Variants in NKX1-2 observed in about 807,000 individuals in gnomAD.
The protein encoded by NKX1-2 is NK1 transcription factor-related protein 2.
NKX1-2 carries 1 observed loss-of-function variant against 4.4 expected under a neutral mutation model. The ratio of observed to expected loss-of-function variants is 0.23; its 90% CI spans 0.08 to 1.08. NKX1-2 has a LOEUF of 1.08. Among genes scored for constraint, NKX1-2 ranks in the 50% least tolerant of loss-of-function variants. NKX1-2 has a pLI of 0.55. For synonymous variants in NKX1-2, 235 were observed against 228.0 expected, an observed-to-expected ratio of 1.03 and a Z score of -0.28; for missense variants, 503 against 464.6, an observed-to-expected ratio of 1.08 and a Z score of -0.76.
rs921909939 is a variant in NKX1-2, at chr10:124,449,292, G to T, written c.214+438C>A. On this transcript the variant is annotated intron_variant, in intron 1 of 1. Coordinates refer to ENST00000451024, the MANE Select transcript of NKX1-2 (RefSeq NM_001146340.3). The surrounding 1 kb of genome is among the most constrained non-coding windows in gnomAD (Gnocchi z 7.5). ...ACGAAGACCCCCGGCGCAAGCCTTAGCGTCAGCTCCCCCATCCATAAAATG... is the reference window on the plus strand; with the variant it reads ...ACGAAGACCCCCGGCGCAAGCCTTATCGTCAGCTCCCCCATCCATAAAATG... 6.6e-6 allele frequency among the ~76,000 whole-genome samples: 1 copy of T among 152,204 alleles called. No individual in the cohort carries two copies. Among genetic ancestry groups the T allele is most frequent in the Non-Finnish European group, 1.5e-5 (1 of 68,048 alleles).
chr10:124,446,422 C>T lies in NKX1-2; in HGVS notation c.*1007G>A, dbSNP rs1952237656. On this transcript the variant is annotated 3_prime_UTR_variant, in exon 2 of 2. Coordinates refer to ENST00000451024, the MANE Select transcript of NKX1-2 (RefSeq NM_001146340.3). ...GAGTTTGTGCTTTTAAAAAACAGTC[C>T]AGTCCAACTGTCCACATGTAGTGTG... The T allele has an allele frequency of 6.6e-6, 1 of 152,200 alleles. No individual in the cohort carries two copies. Among genetic ancestry groups the T allele is most frequent in the Admixed American group, 6.5e-5 (1 of 15,276 alleles). The allele number at this position is 152,200 out of a possible 1,614,324, so 9.4% of individuals were successfully genotyped here.
chr10:124,449,202 A>G lies in NKX1-2; in HGVS notation c.214+528T>C, dbSNP rs532497904. ...TCCCAGTTAACAGTTGAGTCTGGGG[A>G]GCTTGAGCGCCTGGGGCAGCCCAGC... On this transcript the variant is annotated intron_variant, in intron 1 of 1. Transcript: ENST00000451024. The surrounding 1 kb of genome is among the most constrained non-coding windows in gnomAD (Gnocchi z 7.5). 6.6e-6 allele frequency among the ~76,000 whole-genome samples: 1 copy of G among 152,214 alleles called. No homozygotes were observed. Among genetic ancestry groups the G allele is most frequent in the Non-Finnish European group, 1.5e-5 (1 of 68,006 alleles).
chr10:124,447,529 G>T lies in NKX1-2; in HGVS notation c.833C>A (p.Ser278Tyr). 1 of 1,274,538 alleles carries T rather than the reference G, an allele frequency of 7.8e-7. No individual in the cohort carries two copies. Among genetic ancestry groups the T allele is most frequent in the Non-Finnish European group, 9.9e-7 (1 of 1,006,840 alleles). The allele number at this position is 1,274,538 out of a possible 1,614,324, so 79.0% of individuals were successfully genotyped here. ...SYSAANVLFP[S>Y]AASFPLTAAA... ...AGCCGTCAGCGGGAAGGAGGCGGCG[G>T]ACGGGAAGAGGACATTGGCCGCGGA... Residue 278 changes from serine to tyrosine, a missense_variant, in exon 2 of 2, where the codon TCC becomes TAC. Physicochemically the swap from Ser to Tyr is moderately radical, Grantham distance 144. Coordinates refer to ENST00000451024, the MANE Select transcript of NKX1-2 (RefSeq NM_001146340.3).
chr10:124,445,285 T>A lies in NKX1-2; in HGVS notation c.*2144A>T, dbSNP rs903769535. ...TTATTAGACAAACACACCAATAGAT[T>A]GAGTCTAAGGATTTGGTTGGAAAGC... On this transcript the variant is annotated 3_prime_UTR_variant, in exon 2 of 2. Coordinates refer to ENST00000451024, the MANE Select transcript of NKX1-2 (RefSeq NM_001146340.3). 6.6e-6 allele frequency: 1 copy of A among 152,142 alleles called. No individual in the cohort carries two copies. Among genetic ancestry groups the A allele is most frequent in the African/African-American group, 2.4e-5 (1 of 41,436 alleles). 9.4% of individuals were successfully genotyped at this position (152,142 alleles called of 1,614,324 possible).
chr10:124,448,199 G>A lies in NKX1-2; in HGVS notation c.215-52C>T, dbSNP rs749466777. On this transcript the variant is annotated intron_variant, in intron 1 of 1. Coordinates refer to ENST00000451024, the MANE Select transcript of NKX1-2 (RefSeq NM_001146340.3). The surrounding 1 kb of genome is among the most constrained non-coding windows in gnomAD (Gnocchi z 4.1). ...AAGCCTCTCCAGGTCCCCAAACCTC[G>A]TCCTCGTCCTCCCTAGAGCAAGCAG... is the stretch of plus-strand genomic sequence containing the variant. 2 of 1,391,108 alleles carry A rather than the reference G, an allele frequency of 1.4e-6. No homozygotes were observed. Among genetic ancestry groups the A allele is most frequent in the South Asian group, 1.6e-5 (1 of 62,964 alleles). 86.2% of individuals were successfully genotyped at this position (1,391,108 alleles called of 1,614,324 possible).
Position 124,449,418 on chromosome 10 carries a change from A to C in NKX1-2, c.214+312T>G, listed in dbSNP as rs747727775. ...GTCCTAGCACGTGGCAAGCGCATTA[A>C]ATGCCCGATAAATGAGTAAGCCTGG... On this transcript the variant is annotated intron_variant, in intron 1 of 1. Transcript: ENST00000451024. This position sits in a 1 kb window ranked among gnomAD's most constrained non-coding sequence, Gnocchi z 7.5. The C allele has an allele frequency of 1.6e-6, 1 of 623,170 alleles. No individual in the cohort carries two copies. The highest frequency in any genetic ancestry group is 3.0e-6 in the Non-Finnish European group (1 of 333,816). The allele number at this position is 623,170 out of a possible 1,614,324, so 38.6% of individuals were successfully genotyped here.
In NKX1-2 at chr10:124,447,522, G is replaced by C. The variant is rs1354495748; in HGVS notation, c.840C>G (p.Ala280=). 2 of 1,274,278 alleles carry C rather than the reference G, an allele frequency of 1.6e-6. No individual in the cohort carries two copies. The allele number at this position is 1,274,278 out of a possible 1,614,324, so 78.9% of individuals were successfully genotyped here. A position where few individuals can be genotyped will look rare whatever the true frequency, so the allele number is the denominator to read the frequency against. ...SAANVLFPSA[A]SFPLTAAAPG... ...GGGCGGCAGCCGTCAGCGGGAAGGA[G>C]GCGGCGGACGGGAAGAGGACATTGG... Residue 280 remains alanine, a synonymous_variant, in exon 2 of 2, where the codon GCC becomes GCG. Coordinates refer to ENST00000451024, the MANE Select transcript of NKX1-2 (RefSeq NM_001146340.3).
At position 124,449,722 on chromosome 10, in the gene NKX1-2, C is replaced by A. The variant is rs965537053; in HGVS notation, c.214+8G>T. On this transcript the variant is annotated splice_region_variant and intron_variant, in intron 1 of 1. Transcript: ENST00000451024. The surrounding 1 kb of genome is among the most constrained non-coding windows in gnomAD (Gnocchi z 7.5). The stretch of plus-strand genomic sequence containing the variant: ...GCCTCCTGGGGCCGGGGCCGCCTTG[C>A]ATCTTACCAGGGGTCTCCAGCTGTC... 6 of 1,547,304 alleles carry A rather than the reference C, an allele frequency of 3.9e-6. No homozygotes were observed. The African/African-American group carries it at 8.2e-5, about 21-fold the overall frequency.
At position 124,448,089 on chromosome 10, in the gene NKX1-2, C is replaced by G. The variant is rs1334775453; in HGVS notation, c.273G>C (p.Glu91Asp). Reference sequence around the variant, plus strand: ...TCCTCGGATCCTCCGCATCCTCCTCCTCTTCCGCCTCGGAACCCTCCAGGG... The same window carrying G: ...TCCTCGGATCCTCCGCATCCTCCTCGTCTTCCGCCTCGGAACCCTCCAGGG... ...ASPLEGSEAE[E>D]EEDAEDPRRP... is the part of the protein sequence containing the mutation. Residue 91 changes from glutamate to aspartate, a missense_variant, in exon 2 of 2, where the codon GAG becomes GAC. Physicochemically the swap from Glu to Asp is conservative, Grantham distance 45. Transcript: ENST00000451024. The surrounding 1 kb of genome is among the most constrained non-coding windows in gnomAD (Gnocchi z 4.1). 3.9e-6 allele frequency: 6 copies of G among 1,520,784 alleles called. No homozygotes were observed. In the South Asian group the frequency reaches 7.2e-5, roughly 18 times the overall value. 94.2% of individuals were successfully genotyped at this position (1,520,784 alleles called of 1,614,324 possible). A position where few individuals can be genotyped will look rare whatever the true frequency, so the allele number is the denominator to read the frequency against.
rs1952280067 is a variant in NKX1-2 at position 124,449,927 on chromosome 10, T to C, written c.17A>G (p.Asp6Gly). The C allele has an allele frequency of 6.5e-7, 1 of 1,545,354 alleles. No homozygotes were observed. Among genetic ancestry groups the C allele is most frequent in the African/African-American group, 1.4e-5 (1 of 73,014 alleles). ...GGAGGGAGCCGCCTTGGCCCCGCCGTCCTGCCATGCCAGCATGCCCGTCGC... is the reference window on the plus strand; with the variant it reads ...GGAGGGAGCCGCCTTGGCCCCGCCGCCCTGCCATGCCAGCATGCCCGTCGC... Reference protein sequence around the residue: MLAWQDGGAKAAPSHH... With the variant: MLAWQGGGAKAAPSHH... The change falls in exon 1 of 2, where the codon GAC becomes GGC. Residue 6 changes from aspartate to glycine, a missense_variant. Physicochemically the swap from Asp to Gly is moderately conservative, Grantham distance 94. Coordinates refer to ENST00000451024, the MANE Select transcript of NKX1-2 (RefSeq NM_001146340.3). This position sits in a 1 kb window ranked among gnomAD's most constrained non-coding sequence, Gnocchi z 7.5.
Position 124,448,326 on chromosome 10 carries a change from C to T in NKX1-2, c.215-179G>A, listed in dbSNP as rs573369155. 8.8e-6 allele frequency: 9 copies of T among 1,026,076 alleles called. No individual in the cohort carries two copies. The South Asian group carries it at 1.7e-4, about 20-fold the overall frequency. The allele number at this position is 1,026,076 out of a possible 1,614,324, so 63.6% of individuals were successfully genotyped here. On this transcript the variant is annotated intron_variant, in intron 1 of 1. Transcript: ENST00000451024. The surrounding 1 kb of genome is among the most constrained non-coding windows in gnomAD (Gnocchi z 4.1). ...GCCAGCGGGTTTAGGGGAATGGTGT[C>T]CTCTTGCCCTTTACAAATCTGCCAT...
At position 124,447,575 on chromosome 10, in the gene NKX1-2, A is replaced by T. The variant is rs1203197770; in HGVS notation, c.787T>A (p.Phe263Ile). ...GCGGAGTAGGAGGGGAAAGTCTGGA[A>T]GTGCAGAGCGCCGGTGCCGGGAGGG... ...PGPPGTGALH[F>I]QTFPSYSAAN... The change falls in exon 2 of 2, where the codon TTC (phenylalanine) becomes ATC (isoleucine). Residue 263 changes from phenylalanine (F) to isoleucine (I), a missense_variant. By Grantham distance (21) the Phe-to-Ile change is conservative. Coordinates refer to ENST00000451024, the MANE Select transcript of NKX1-2 (RefSeq NM_001146340.3). 2 of 1,271,902 alleles carry T rather than the reference A, an allele frequency of 1.6e-6. No individual in the cohort carries two copies. The highest frequency in any genetic ancestry group is 2.0e-6 in the Non-Finnish European group (2 of 1,007,254). The allele number at this position is 1,271,902 out of a possible 1,614,324, so 78.8% of individuals were successfully genotyped here.
At position 124,449,215 on chromosome 10, in the gene NKX1-2, G is replaced by A. The variant is rs929098150; in HGVS notation, c.214+515C>T. 6.6e-6 allele frequency among the ~76,000 whole-genome samples: 1 copy of A among 152,204 alleles called. No homozygotes were observed. Among genetic ancestry groups the A allele is most frequent in the Non-Finnish European group, 1.5e-5 (1 of 68,042 alleles). On this transcript the variant is annotated intron_variant, in intron 1 of 1. Coordinates refer to ENST00000451024, the MANE Select transcript of NKX1-2 (RefSeq NM_001146340.3). This position sits in a 1 kb window ranked among gnomAD's most constrained non-coding sequence, Gnocchi z 7.5. Reference sequence around the variant, plus strand: ...TTGAGTCTGGGGAGCTTGAGCGCCTGGGGCAGCCCAGCCCCGCAGGCGTCT... The same window carrying A: ...TTGAGTCTGGGGAGCTTGAGCGCCTAGGGCAGCCCAGCCCCGCAGGCGTCT...
Position 124,449,906 on chromosome 10 carries a change from G to A in NKX1-2, c.38C>T (p.Pro13Leu). Residue 13 changes from proline to leucine, a missense_variant, in exon 1 of 2, where the codon CCC becomes CTC. By Grantham distance (98) the Pro-to-Leu change is moderately conservative. Coordinates refer to ENST00000451024, the MANE Select transcript of NKX1-2 (RefSeq NM_001146340.3). The surrounding 1 kb of genome is among the most constrained non-coding windows in gnomAD (Gnocchi z 7.5). ...AGAGAAAGAAATCTTGTGGTGGGAG[G>A]GAGCCGCCTTGGCCCCGCCGTCCTG... is the stretch of plus-strand genomic sequence containing the variant. ...AWQDGGAKAA[P>L]SHHKISFSVL... 6.5e-7 allele frequency: 1 copy of A among 1,549,306 alleles called. No homozygotes were observed. The highest frequency in any genetic ancestry group is 8.7e-7 in the Non-Finnish European group (1 of 1,145,186).
rs1230785182 is a variant in NKX1-2, at chr10:124,449,604, G to T, written c.214+126C>A. On this transcript the variant is annotated intron_variant, in intron 1 of 1. Coordinates refer to ENST00000451024, the MANE Select transcript of NKX1-2 (RefSeq NM_001146340.3). This position sits in a 1 kb window ranked among gnomAD's most constrained non-coding sequence, Gnocchi z 7.5. ...AGGCGGGGGCTACACTTCGCACCCG[G>T]TCCCGTGCGCCTTCTCTCTGAGGAA... 1 of 773,020 alleles carries T rather than the reference G, an allele frequency of 1.3e-6. No individual in the cohort carries two copies. Among genetic ancestry groups the T allele is most frequent in the Non-Finnish European group, 2.2e-6 (1 of 449,736 alleles). 47.9% of individuals were successfully genotyped at this position (773,020 alleles called of 1,614,324 possible).
rs1196633366 is a variant in NKX1-2 at position 124,446,026 on chromosome 10, T to C, written c.*1403A>G. The C allele has an allele frequency of 6.6e-6, 1 of 152,108 alleles. No homozygotes were observed. The highest frequency in any genetic ancestry group is 1.5e-5 in the Non-Finnish European group (1 of 68,036). The allele number at this position is 152,108 out of a possible 1,614,324, so 9.4% of individuals were successfully genotyped here. A position where few individuals can be genotyped will look rare whatever the true frequency, so the allele number is the denominator to read the frequency against. ...GCAAGGAATATGGTATCCACACAGA[T>C]CTCGGCTGGCCTCAAGTAATCAAAA... On this transcript the variant is annotated 3_prime_UTR_variant, in exon 2 of 2. Coordinates refer to ENST00000451024, the MANE Select transcript of NKX1-2 (RefSeq NM_001146340.3).
rs913266279 is a variant in NKX1-2, at chr10:124,445,585, A to T, written c.*1844T>A. ...ATTTGAATTGTCTGTTTAATATGGG[A>T]TATTGCTTTTGAGAAACCAACAAAT... On this transcript the variant is annotated 3_prime_UTR_variant, in exon 2 of 2. Coordinates refer to ENST00000451024, the MANE Select transcript of NKX1-2 (RefSeq NM_001146340.3). The T allele has an allele frequency of 2.0e-5, 3 of 152,202 alleles. No homozygotes were observed. The highest frequency in any genetic ancestry group is 4.4e-5 in the Non-Finnish European group (3 of 68,048). The allele number at this position is 152,202 out of a possible 1,614,324, so 9.4% of individuals were successfully genotyped here.
Position 124,448,289 on chromosome 10 carries a change from C to G in NKX1-2, c.215-142G>C. ...CACATCGCGCTCCCCTTAGGCCGGA[C>G]TACACATCCTCGCCAGCGGGTTTAG... On this transcript the variant is annotated intron_variant, in intron 1 of 1. Coordinates refer to ENST00000451024, the MANE Select transcript of NKX1-2 (RefSeq NM_001146340.3). This position sits in a 1 kb window ranked among gnomAD's most constrained non-coding sequence, Gnocchi z 4.1. The G allele has an allele frequency of 8.0e-7, 1 of 1,255,542 alleles. No individual in the cohort carries two copies. Among genetic ancestry groups the G allele is most frequent in the Non-Finnish European group, 1.0e-6 (1 of 995,102 alleles). The allele number at this position is 1,255,542 out of a possible 1,614,324, so 77.8% of individuals were successfully genotyped here.
chr10:124,450,006 C>G lies in NKX1-2; in HGVS notation c.-63G>C. 1 of 1,312,488 alleles carries G rather than the reference C, an allele frequency of 7.6e-7. No individual in the cohort carries two copies. Among genetic ancestry groups the G allele is most frequent in the Non-Finnish European group, 1.0e-6 (1 of 983,072 alleles). 81.3% of individuals were successfully genotyped at this position (1,312,488 alleles called of 1,614,324 possible). A position where few individuals can be genotyped will look rare whatever the true frequency, so the allele number is the denominator to read the frequency against. On this transcript the variant is annotated 5_prime_UTR_variant, in exon 1 of 2. Transcript: ENST00000451024. ...TTGGGGATGGCGCCGCTCGGGCTTG[C>G]CTTCGGCTGTGGCTTGGCGGTAGCT...
Sources: allele counts gnomAD v4.1 joint callset (sites outside exome capture counted in the v4.1 genomes callset), GRCh38; gene constraint gnomAD v4.1.1; non-coding constraint Gnocchi (gnomAD v3.1); transcripts MANE v1.5; gene names NCBI Gene and HGNC (gene_info 2026-07-23, HGNC 2026-07-21).